MAP3K2: variants seen among roughly 807,000 people sequenced by gnomAD.
MAP3K2 encodes MAP/ERK kinase kinase 2.
MAP3K2 carries 24 observed loss-of-function variants against 80.3 expected under a neutral mutation model. The observed-to-expected ratio is 0.30, with a 90% CI of 0.22 to 0.42. MAP3K2 has a LOEUF of 0.42. Among genes scored for constraint, MAP3K2 ranks in the 10% least tolerant of loss-of-function variants. The pLI is 1.00. For synonymous variants in MAP3K2, 244 were observed against 253.7 expected, an observed-to-expected ratio of 0.96 and a Z score of 0.36; for missense variants, 608 against 750.1, an observed-to-expected ratio of 0.81 and a Z score of 2.21.
At position 127,299,492 on chromosome 2, in the gene MAP3K2, G is replaced by A. The variant is rs1276482707; in HGVS notation, c.*8087C>T. ...AATATTCAAAGACAACAGTAGGACA[G>A]GCCAATAGCAACTGGAGATAGAAAA... On this transcript the variant is annotated 3_prime_UTR_variant, in exon 17 of 17. Transcript: ENST00000682094. 3 of 152,118 alleles carry A rather than the reference G, an allele frequency of 2.0e-5. No individual in the cohort carries two copies. Among genetic ancestry groups the A allele is most frequent in the Non-Finnish European group, 4.4e-5 (3 of 68,004 alleles). 9.4% of individuals were successfully genotyped at this position (152,118 alleles called of 1,614,324 possible).
chr2:127,348,505 C>A (rs1029684963), intron 1 of MAP3K2, among the ~76,000 whole-genome samples: 2 of 152,044 alleles, frequency 1.3e-5, no homozygotes, highest in African/African-American at 4.8e-5. Context: ...TTAAAAAGCC[C>A]CATATTCCAC....
chr2:127,376,846 G>A (rs968003989), intron 1 of MAP3K2, among the ~76,000 whole-genome samples: 14 of 152,038 alleles, frequency 9.2e-5, no homozygotes, highest in African/African-American at 2.4e-4. Flanking sequence ...CAGGAGGATC[G>A]CTTGAGCCCA....
At position 127,306,132 on chromosome 2, in the gene MAP3K2, TG is replaced by T. The variant is rs531112523; in HGVS notation, c.*1446del. On this transcript the variant is annotated 3_prime_UTR_variant, in exon 17 of 17. Coordinates refer to ENST00000682094, the MANE Select transcript of MAP3K2 (RefSeq NM_001371910.2). The surrounding 1 kb of genome is among the most constrained non-coding windows in gnomAD (Gnocchi z 4.7). ...ACCCTTGACTTAAAGCAGCAGTATC[TG>T]ATCTTGTAAAATCCTCAATTTGCAT... is the stretch of plus-strand genomic sequence containing the variant. 23 of 152,296 alleles carry T rather than the reference TG, an allele frequency of 1.5e-4. 1 individual carries two copies. In the East Asian group the frequency reaches 4.4e-3, roughly 29 times the overall value. 9.4% of individuals were successfully genotyped at this position (152,296 alleles called of 1,614,324 possible).
chr2:127,383,963 T>G (rs1365469698), intron 1 of MAP3K2, among the ~76,000 whole-genome samples: 1 of 148,564 alleles, frequency 6.7e-6, no homozygotes, highest in Non-Finnish European at 1.5e-5. Flanking sequence ...AAGCTCCACC[T>G]CCCGGGTTCA....
chr2:127,323,775 T>A, intron 11 of MAP3K2, 127 bp downstream of exon 11: 1 of 483,486 alleles, frequency 2.1e-6, no homozygotes, highest in South Asian at 4.3e-5. Flanking sequence ...ATACTTTTGT[T>A]ATAACACAAT....
chr2:127,330,707 T>A (rs562389995), intron 5 of MAP3K2, among the ~76,000 whole-genome samples: 41 of 152,358 alleles, frequency 2.7e-4, no homozygotes, highest in African/African-American at 9.4e-4. Context: ...ACATGTATGT[T>A]TTTAAATTTT....
At position 127,307,364 on chromosome 2, in the gene MAP3K2, C is replaced by A; in HGVS notation, c.*215G>T. 2 of 306,746 alleles carry A rather than the reference C, an allele frequency of 6.5e-6. No homozygotes were observed. Among genetic ancestry groups the A allele is most frequent in the Non-Finnish European group, 5.9e-6 (1 of 169,712 alleles). 19.0% of individuals were successfully genotyped at this position (306,746 alleles called of 1,614,324 possible). Reference sequence around the variant, plus strand: ...ACATTATAAAAATTAAAAAAAAAAACTTCAAGTTCTTGTAAGGGAAAAAAA... The same window carrying A: ...ACATTATAAAAATTAAAAAAAAAAAATTCAAGTTCTTGTAAGGGAAAAAAA... On this transcript the variant is annotated 3_prime_UTR_variant, in exon 17 of 17. Coordinates refer to ENST00000682094, the MANE Select transcript of MAP3K2 (RefSeq NM_001371910.2). This position sits in a 1 kb window ranked among gnomAD's most constrained non-coding sequence, Gnocchi z 5.4.
intron 15 of MAP3K2, 40 bp from the exon 16 acceptor site, chr2:127,308,802 G>C: frequency 6.3e-7 from 1 of 1,587,386 alleles, no homozygotes; most frequent in Non-Finnish European, 8.6e-7. Context: ...AATTTTATTG[G>C]CAGTCTCGAA....
intron 1 of MAP3K2, among the ~76,000 whole-genome samples, chr2:127,380,293 G>A (rs1018026523): frequency 4.6e-5 from 7 of 152,204 alleles, no homozygotes; most frequent in African/African-American, 1.7e-4. Flanking sequence ...TGTGCACAGA[G>A]TGCTCTAGGA....
rs149160624 is a variant in MAP3K2, at chr2:127,319,162, G to A, written c.1046-845C>T. ...CCCTAAGAAACGAGAGCCTTCAGCC[G>A]CTGGAGAAAGCAGCAAACCCTGTCA... On this transcript the variant is annotated intron_variant, in intron 12 of 16. Transcript: ENST00000682094. 2.4e-3 allele frequency among the ~76,000 whole-genome samples: 359 copies of A among 150,816 alleles called. 6 individuals carry two copies. The highest frequency in any genetic ancestry group is 7.6e-3 in the African/African-American group (313 of 41,016).
intron 1 of MAP3K2, among the ~76,000 whole-genome samples, chr2:127,343,613 AC>A (rs971772112): frequency 2.0e-5 from 3 of 152,230 alleles, no homozygotes; most frequent in African/African-American, 7.2e-5. Context: ...TAAAAAAAAA[AC>A]TGCATAACGC....
intron 1 of MAP3K2, among the ~76,000 whole-genome samples, chr2:127,346,429 AAAAG>A (rs1686596758): frequency 6.7e-6 from 1 of 150,236 alleles, no homozygotes; most frequent in Non-Finnish European, 1.5e-5. Flanking sequence ...AAAAAAAAAA[AAAAG>A]AAGGAACACT....
chr2:127,387,599 G>A lies in MAP3K2; in HGVS notation c.-213C>T. On this transcript the variant is annotated 5_prime_UTR_variant, in exon 1 of 17. Coordinates refer to ENST00000682094, the MANE Select transcript of MAP3K2 (RefSeq NM_001371910.2). ...CCCGGGGACCGGAGGGGCGCGCGAG[G>A]AGTCGGGCGCGGGCCTTGGGGCCAG... 1.0e-6 allele frequency: 1 copy of A among 985,036 alleles called. No individual in the cohort carries two copies. 61.0% of individuals were successfully genotyped at this position (985,036 alleles called of 1,614,324 possible). A position where few individuals can be genotyped will look rare whatever the true frequency, so the allele number is the denominator to read the frequency against.
intron 5 of MAP3K2, among the ~76,000 whole-genome samples, chr2:127,332,892 G>A (rs1029347446): frequency 6.6e-6 from 1 of 152,120 alleles, no homozygotes; most frequent in African/African-American, 2.4e-5. Context: ...CACTTTGGGA[G>A]GCTGAGGTAT....
intron 10 of MAP3K2, 26 bp from the exon 11 acceptor site, chr2:127,324,020 C>A: frequency 8.5e-7 from 1 of 1,182,806 alleles, no homozygotes. Flanking sequence ...AGATGGTTAT[C>A]TTTTATTTAA....
chr2:127,318,108 A>C, intron 13 of MAP3K2, 61 bp downstream of exon 13: 3 of 1,392,372 alleles, frequency 2.2e-6, no homozygotes, highest in Non-Finnish European at 2.9e-6. Context: ...TTAATGTTAA[A>C]AAATAATAAT....
chr2:127,352,602 C>T (rs922733885), intron 1 of MAP3K2, among the ~76,000 whole-genome samples: 4 of 152,112 alleles, frequency 2.6e-5, no homozygotes, highest in African/African-American at 9.7e-5. Flanking sequence ...TTATATAAAA[C>T]TAGTTGTTAG....
At chr2:127,388,130 C>T, upstream of MAP3K2, 1 of 985,064 alleles carries the variant, frequency 1.0e-6, no homozygotes, top group Non-Finnish European at 1.2e-6. Flanking sequence ...CAGGCCACCG[C>T]CCCCACCGGC....
chr2:127,313,537 C>A (rs1685846713), intron 15 of MAP3K2, among the ~76,000 whole-genome samples: 1 of 152,146 alleles, frequency 6.6e-6, no homozygotes, highest in African/African-American at 2.4e-5. Flanking sequence ...ACGTGCCACA[C>A]CTCAAAGGGG....
Sources: allele counts gnomAD v4.1 joint callset (sites outside exome capture counted in the v4.1 genomes callset), GRCh38; gene constraint gnomAD v4.1.1; non-coding constraint Gnocchi (gnomAD v3.1); transcripts MANE v1.5; gene names NCBI Gene and HGNC (gene_info 2026-07-23, HGNC 2026-07-21).